The following TBC1D5 variants were observed in gnomAD, a reference collection of about 807,000 sequenced individuals.
The protein encoded by TBC1D5 is TBC1 domain family, member 5.
TBC1D5 carries 75 observed loss-of-function variants against 100.3 expected under a neutral mutation model. The observed-to-expected ratio is 0.75, with a 90% CI of 0.62 to 0.91. TBC1D5 has a LOEUF of 0.91. Among genes scored for constraint, TBC1D5 ranks in the 40% least tolerant of loss-of-function variants. The probability of loss-of-function intolerance (pLI) is 0.00; values close to 1 mark genes in which losing one functional copy is unlikely to be tolerated. For missense variants in TBC1D5, 910 were observed against 942.4 expected (o/e 0.97, Z 0.45); for synonymous variants, 323 against 325.6 (o/e 0.99, Z 0.09).
chr3:17,212,666 G>A (rs930754892), intron 18 of TBC1D5, among the ~76,000 whole-genome samples: 5 of 152,004 alleles, frequency 3.3e-5, no homozygotes, highest in Non-Finnish European at 5.9e-5. Flanking sequence ...TGATACTGAT[G>A]ATCCTGACCC....
intron 10 of TBC1D5, 72 bp from the exon 11 acceptor site, chr3:17,374,751 C>G: frequency 1.4e-6 from 2 of 1,449,896 alleles, no homozygotes; most frequent in Non-Finnish European, 1.9e-6. Context: ...TTGCCTTATT[C>G]TATATAAGAC....
chr3:17,630,684 T>C (rs2063415990), intron 1 of TBC1D5, among the ~76,000 whole-genome samples: 1 of 152,056 alleles, frequency 6.6e-6, no homozygotes. Context: ...GAAAGAATCG[T>C]ATGCCTCTCA....
intron 1 of TBC1D5, among the ~76,000 whole-genome samples, chr3:17,737,160 G>A (rs1174198918): frequency 1.3e-5 from 2 of 152,096 alleles, no homozygotes; most frequent in East Asian, 3.9e-4. Flanking sequence ...CCATCAGGTG[G>A]GAGCCGTTTT....
At chr3:17,644,517 T>C (rs2064830799) in intron 1 of TBC1D5, among the ~76,000 whole-genome samples, 1 of 152,124 alleles carries the variant, frequency 6.6e-6, no homozygotes, top group African/African-American at 2.4e-5. Context: ...ACATAACAAA[T>C]ATTAATGAGT....
chr3:17,708,519 T>C (rs1016015859), intron 1 of TBC1D5, among the ~76,000 whole-genome samples: 6 of 152,192 alleles, frequency 3.9e-5, no homozygotes, highest in African/African-American at 1.4e-4. Flanking sequence ...ATAATTCTTT[T>C]ATTATGGGGG....
intron 18 of TBC1D5, among the ~76,000 whole-genome samples, chr3:17,198,388 C>CT (rs2071007318): frequency 6.6e-6 from 1 of 152,086 alleles, no homozygotes; most frequent in Non-Finnish European, 1.5e-5. Flanking sequence ...TTGAAAACGC[C>CT]TTTAAGATAG....
At chr3:17,542,562 C>CT (rs1473997051) in intron 2 of TBC1D5, among the ~76,000 whole-genome samples, 1 of 152,106 alleles carries the variant, frequency 6.6e-6, no homozygotes, top group African/African-American at 2.4e-5. Flanking sequence ...ACAAGGGTAA[C>CT]TTAAATTGTA....
intron 1 of TBC1D5, among the ~76,000 whole-genome samples, chr3:17,627,718 C>T (rs960322444): frequency 1.3e-5 from 2 of 150,092 alleles, no homozygotes; most frequent in African/African-American, 2.4e-5. Flanking sequence ...AAATGAGAGA[C>T]GAAAACTAAA....
In TBC1D5 at chr3:17,735,280, T is replaced by C. The variant is rs559728300; in HGVS notation, c.-101+4063A>G. ...TAGGTGTCTAAGAATGGAGGACTAC[T>C]TATGGTACATTCATACAATGAAATA... is the stretch of plus-strand genomic sequence containing the variant. On this transcript the variant is annotated intron_variant, in intron 1 of 21. Transcript: ENST00000253692. Among the ~76,000 whole-genome samples the C allele has an allele frequency of 6.6e-5, 10 of 152,306 alleles. No homozygotes were observed. The South Asian group carries it at 2.1e-3, about 32-fold the overall frequency.
At chr3:17,474,376 T>G (rs1388190325) in intron 3 of TBC1D5, among the ~76,000 whole-genome samples, 1 of 152,154 alleles carries the variant, frequency 6.6e-6, no homozygotes, top group African/African-American at 2.4e-5. Flanking sequence ...TGTTTTCCTT[T>G]GGGCAAAATG....
intron 2 of TBC1D5, among the ~76,000 whole-genome samples, chr3:17,598,332 G>C (rs1218700475): frequency 6.6e-6 from 1 of 152,148 alleles, no homozygotes; most frequent in African/African-American, 2.4e-5. Context: ...TTCTCTTCTT[G>C]TAAGTATGTC....
intron 1 of TBC1D5, among the ~76,000 whole-genome samples, chr3:17,665,425 G>C (rs1278513215): frequency 1.3e-5 from 2 of 152,086 alleles, no homozygotes; most frequent in Admixed American, 6.6e-5. Context: ...GATTTGTTTG[G>C]TACCACTTCC....
intron 2 of TBC1D5, chr3:17,562,229 G>A (rs1350375009): frequency 6.7e-6 from 1 of 150,344 alleles, no homozygotes; most frequent in Non-Finnish European, 1.5e-5. Context: ...ACAGCATTAG[G>A]GTGAAAAAAA....
intron 17 of TBC1D5, among the ~76,000 whole-genome samples, chr3:17,231,274 C>G (rs1436117905): frequency 6.6e-6 from 1 of 152,126 alleles, no homozygotes; most frequent in African/African-American, 2.4e-5. Context: ...AAGAACCTCA[C>G]TGAGTTAAGT....
At chr3:17,198,014 G>A (rs560235765) in intron 18 of TBC1D5, among the ~76,000 whole-genome samples, 70 of 152,306 alleles carry the variant, frequency 4.6e-4, no homozygotes, top group African/African-American at 1.6e-3. Context: ...TCCAGCCTGG[G>A]TGACAGCATG....
intron 2 of TBC1D5, among the ~76,000 whole-genome samples, chr3:17,522,479 CATA>C (rs1449557630): frequency 6.6e-6 from 1 of 152,076 alleles, no homozygotes; most frequent in African/African-American, 2.4e-5. Context: ...ATAGTGCTCA[CATA>C]ATATCTTGAA....
chr3:17,161,392 G>GTGTT (rs1422730083), intron 21 of TBC1D5, 136 bp from the exon 23 acceptor site: 15 of 985,184 alleles, frequency 1.5e-5, no homozygotes, highest in Non-Finnish European at 2.1e-5. Flanking sequence ...GAAAGACGCA[G>GTGTT]TGTTTGGCCT....
chr3:17,167,651 G>C (rs2066767901), intron 20 of TBC1D5, 98 bp downstream of exon 21: 2 of 1,052,464 alleles, frequency 1.9e-6, no homozygotes, highest in South Asian at 2.7e-5. Flanking sequence ...TGAGGGTTAG[G>C]GGGATGCTGG....
intron 4 of TBC1D5, among the ~76,000 whole-genome samples, chr3:17,409,768 T>C: frequency 6.6e-6 from 1 of 152,140 alleles, no homozygotes; most frequent in East Asian, 1.9e-4. Flanking sequence ...CCTAACTCTC[T>C]TCAATTCTGT....
Sources: allele counts gnomAD v4.1 joint callset (sites outside exome capture counted in the v4.1 genomes callset), GRCh38; gene constraint gnomAD v4.1.1; transcripts MANE v1.5; gene names NCBI Gene and HGNC (gene_info 2026-07-23, HGNC 2026-07-21).